APOLD1: variants seen among roughly 807,000 people sequenced by gnomAD.
The protein encoded by APOLD1 is apolipoprotein L domain containing 1.
A neutral mutation model predicts 15.3 loss-of-function variants in APOLD1; 22 were observed. The observed-to-expected ratio is 1.44, with a 90% CI of 1.03 to 2.05. The LOEUF (loss-of-function observed/expected upper bound fraction) is 2.05. Ranked by LOEUF, APOLD1 falls within the 30% of genes most tolerant of loss-of-function variation. The pLI is 0.00. For missense variants in APOLD1, 394 were observed against 353.5 expected (o/e 1.11, Z -0.92); for synonymous variants, 190 against 167.4 (o/e 1.13, Z -1.04).
In APOLD1 at chr12:12,787,058, C is replaced by T; in HGVS notation, c.153C>T (p.Arg51=). Residue 51 remains arginine (R), a synonymous_variant, in exon 2 of 2, where the codon CGC becomes CGT. Coordinates refer to ENST00000356591, the MANE Select transcript of APOLD1 (RefSeq NM_030817.3). This position sits in a 1 kb window ranked among gnomAD's most constrained non-coding sequence, Gnocchi z 4.9. ...VARRLERLRR[R]SLVANVAGSS... is the part of the protein sequence containing the mutation. Reference sequence around the variant, plus strand: ...GGCGCCTGGAGCGCCTGCGCAGGCGCTCCCTCGTAGCCAACGTGGCCGGCA... The same window carrying T: ...GGCGCCTGGAGCGCCTGCGCAGGCGTTCCCTCGTAGCCAACGTGGCCGGCA... 2 of 1,378,040 alleles carry T rather than the reference C, an allele frequency of 1.5e-6. No homozygotes were observed. The highest frequency in any genetic ancestry group is 1.9e-6 in the Non-Finnish European group (2 of 1,076,654). 85.4% of individuals were successfully genotyped at this position (1,378,040 alleles called of 1,614,324 possible).
intron 1 of APOLD1, among the ~76,000 whole-genome samples, chr12:12,742,999 G>C (rs1946739723): frequency 6.6e-6 from 1 of 152,190 alleles, no homozygotes. Flanking sequence ...TGATCCTCCC[G>C]CCTTGGCCTC....
At chr12:12,757,685 C>T (rs1449570652) in intron 1 of APOLD1, among the ~76,000 whole-genome samples, 2 of 150,466 alleles carry the variant, frequency 1.3e-5, no homozygotes, top group African/African-American at 2.5e-5. Flanking sequence ...AAAAAAAAAT[C>T]ATTTTATTGA....
At chr12:12,773,914 G>A (rs1947007724) in intron 1 of APOLD1, among the ~76,000 whole-genome samples, 1 of 152,136 alleles carries the variant, frequency 6.6e-6, no homozygotes, top group South Asian at 2.1e-4. Flanking sequence ...TCTAGACACA[G>A]ATCTTACACT....
At chr12:12,731,553 A>G (rs115597338) in intron 1 of APOLD1, among the ~76,000 whole-genome samples, 2,239 of 152,344 alleles carry the variant, frequency 0.015, 52 homozygotes, top group African/African-American at 0.05. Context: ...TAATTTCCCC[A>G]ATAAATAAAG....
chr12:12,731,742 C>G (rs1162766706), intron 1 of APOLD1, among the ~76,000 whole-genome samples: 2 of 152,192 alleles, frequency 1.3e-5, no homozygotes, highest in Non-Finnish European at 2.9e-5. Flanking sequence ...TTGAGGCACT[C>G]AGATACAAAG....
At chr12:12,748,409 G>T (rs527409152) in intron 1 of APOLD1, among the ~76,000 whole-genome samples, 1 of 152,162 alleles carries the variant, frequency 6.6e-6, no homozygotes, top group African/African-American at 2.4e-5. Context: ...TGTTCTCAAG[G>T]TTGCTAGAAA....
chr12:12,771,725 G>C (rs1156671184), intron 1 of APOLD1: 1 of 323,754 alleles, frequency 3.1e-6, no homozygotes, highest in Non-Finnish European at 6.1e-6. Flanking sequence ...ATAACAGTTT[G>C]TTCAAAATAA....
At chr12:12,776,323 G>T (rs1316191839) in intron 1 of APOLD1, among the ~76,000 whole-genome samples, 1 of 152,186 alleles carries the variant, frequency 6.6e-6, no homozygotes, top group Non-Finnish European at 1.5e-5. Flanking sequence ...TATAATCCAG[G>T]CTGCAATACT....
intron 1 of APOLD1, among the ~76,000 whole-genome samples, chr12:12,760,303 G>A (rs1946888090): frequency 6.6e-6 from 1 of 151,972 alleles, no homozygotes; most frequent in Admixed American, 6.6e-5. Context: ...TCCAGCCTGG[G>A]TGACACAGTG....
At chr12:12,728,092 A>G (rs917254536) in intron 1 of APOLD1, among the ~76,000 whole-genome samples, 2 of 151,896 alleles carry the variant, frequency 1.3e-5, no homozygotes, top group Non-Finnish European at 2.9e-5. Context: ...TCAGCCTCCC[A>G]TGTAGCTGGA....
intron 1 of APOLD1, among the ~76,000 whole-genome samples, chr12:12,745,471 G>A (rs1001814065): frequency 1.2e-4 from 19 of 152,136 alleles, no homozygotes; most frequent in African/African-American, 3.4e-4. Flanking sequence ...TGGAAGTTGC[G>A]GTGGGCCAAT....
At chr12:12,749,038 A>G (rs778335919) in intron 1 of APOLD1, among the ~76,000 whole-genome samples, 1 of 152,122 alleles carries the variant, frequency 6.6e-6, no homozygotes, top group Non-Finnish European at 1.5e-5. Context: ...GGAGATTTCT[A>G]CTAACTGGGT....
intron 1 of APOLD1, among the ~76,000 whole-genome samples, chr12:12,776,535 C>T (rs117732508): frequency 1.6e-4 from 25 of 152,272 alleles, no homozygotes; most frequent in Admixed American, 6.5e-4. Context: ...ATGGGGCAAA[C>T]GATTCTATAT....
At position 12,750,513 on chromosome 12, in the gene APOLD1, G is replaced by A. The variant is rs113987463; in HGVS notation, c.96+24417G>A. 9.9e-3 allele frequency among the ~76,000 whole-genome samples: 1,499 copies of A among 152,118 alleles called. 8 individuals are homozygous for A. Among genetic ancestry groups the A allele is most frequent in the Non-Finnish European group, 0.016 (1,056 of 68,008 alleles). On this transcript the variant is annotated intron_variant, in intron 1 of 1. Transcript: ENST00000326765. Reference sequence around the variant, plus strand: ...ATGTCTCATGATTTTGACTTATAAGGAGATGGATTTCATTTCTTGGACATT... The same window carrying A: ...ATGTCTCATGATTTTGACTTATAAGAAGATGGATTTCATTTCTTGGACATT...
intron 1 of APOLD1, among the ~76,000 whole-genome samples, chr12:12,747,512 C>T (rs7980747): frequency 0.02 from 3,008 of 152,242 alleles, 93 homozygotes; most frequent in African/African-American, 0.068. Flanking sequence ...ACACTCTGGT[C>T]GCCAGGGAGG....
At chr12:12,746,176 CTG>C (rs760624708) in intron 1 of APOLD1, among the ~76,000 whole-genome samples, 4 of 151,956 alleles carry the variant, frequency 2.6e-5, no homozygotes, top group Non-Finnish European at 5.9e-5. Context: ...ACGTATGTCT[CTG>C]TAGTTGAGAA....
chr12:12,779,249 C>T (rs1486835805), intron 1 of APOLD1, among the ~76,000 whole-genome samples: 1 of 152,116 alleles, frequency 6.6e-6, no homozygotes, highest in Admixed American at 6.6e-5. Context: ...CCAGCACACA[C>T]CCCGGCACTT....
At chr12:12,731,179 A>G (rs928002012) in intron 1 of APOLD1, among the ~76,000 whole-genome samples, 17 of 152,156 alleles carry the variant, frequency 1.1e-4, no homozygotes, top group African/African-American at 4.1e-4. Flanking sequence ...AATCAAATTA[A>G]TGGGGATATC....
At chr12:12,726,462 G>A (rs1311584721) in intron 1 of APOLD1, 1 of 286,920 alleles carries the variant, frequency 3.5e-6, no homozygotes, top group African/African-American at 2.2e-5. Flanking sequence ...TAATGGAAAT[G>A]ACATTCTTTA....
Sources: gnomAD v4.1 joint callset for allele counts (sites outside exome capture counted in the v4.1 genomes callset) on GRCh38, gnomAD v4.1.1 for gene constraint, Gnocchi (gnomAD v3.1) non-coding constraint, MANE v1.5 for transcripts, NCBI Gene and HGNC (gene_info 2026-07-23, HGNC 2026-07-21) for gene names.